Variants in MYO10 observed in about 807,000 individuals in gnomAD.
The protein encoded by MYO10 is unconventional myosin-X.
A neutral mutation model predicts 257.3 loss-of-function variants in MYO10; 133 were observed. That is an observed-to-expected ratio of 0.52 (90% confidence interval 0.45 to 0.60). MYO10 has a LOEUF of 0.60. Among genes scored for constraint, MYO10 ranks in the 20% least tolerant of loss-of-function variants. The probability of loss-of-function intolerance (pLI) is 0.00; values close to 1 mark genes in which losing one functional copy is unlikely to be tolerated. For synonymous variants in MYO10, 1,104 were observed against 1,028.6 expected (o/e 1.07, Z -1.40); for missense variants, 2,399 against 2,635.7 (o/e 0.91, Z 1.97).
At chr5:16,828,620 CAAAA>C (rs71595993) in intron 2 of MYO10, among the ~76,000 whole-genome samples, 2 of 85,752 alleles carry the variant, frequency 2.3e-5, no homozygotes. Context: ...ACTCTGTCTC[CAAAA>C]AAAAAAAAAA....
chr5:16,694,482 G>A lies in MYO10; in HGVS notation c.3689C>T (p.Ser1230Phe). 1.2e-6 allele frequency: 2 copies of A among 1,613,958 alleles called. No homozygotes were observed. The highest frequency in any genetic ancestry group is 8.5e-7 in the Non-Finnish European group (1 of 1,179,882). ...CCAGCGCTTCTTCCAATTTCTCCTG[G>A]ACAGCGTGGAGGAGCCCCCCCCTTT... is the stretch of plus-strand genomic sequence containing the variant. ...HKKGGGSSTL[S>F]RRNWKKRWFV... Residue 1230 changes from serine to phenylalanine, a missense_variant, in exon 27 of 41, where the codon TCC (serine) becomes TTC (phenylalanine). Transcript: ENST00000513610.
At chr5:16,675,372 T>C (rs1736677806) in intron 34 of MYO10, among the ~76,000 whole-genome samples, 1 of 152,198 alleles carries the variant, frequency 6.6e-6, no homozygotes, top group African/African-American at 2.4e-5. Flanking sequence ...CCACATAAAA[T>C]GCTTACTTAA....
intron 1 of MYO10, among the ~76,000 whole-genome samples, chr5:16,911,069 A>G (rs1745644968): frequency 6.6e-6 from 1 of 152,198 alleles, no homozygotes; most frequent in African/African-American, 2.4e-5. Flanking sequence ...AGAATGGGCC[A>G]GGCCAAGAGG....
rs756790856 is a variant in MYO10 at position 16,701,122 on chromosome 5, G to A, written c.3273C>T (p.Tyr1091=). 2.6e-5 allele frequency: 42 copies of A among 1,594,706 alleles called. No homozygotes were observed. The highest frequency in any genetic ancestry group is 1.1e-4 in the Admixed American group (6 of 56,644). ...CACCGTCCTCATAGTCATCCTGGTC[G>A]TAGTCGTAGTCGCCGTCTGGGGAGG... ...DLPSPDGDYD[Y]DQDDYEDGAI... The change falls in exon 25 of 41, where the codon TAC becomes TAT. Residue 1091 remains tyrosine (Y), a synonymous_variant. Transcript: ENST00000513610. This position sits in a 1 kb window ranked among gnomAD's most constrained non-coding sequence, Gnocchi z 8.1.
chr5:16,899,616 A>G (rs2625174), intron 1 of MYO10, among the ~76,000 whole-genome samples: 69,380 of 146,886 alleles, frequency 0.47, 16,490 homozygotes, highest in Admixed American at 0.54. Flanking sequence ...CAACAAGAGC[A>G]AAACTCAGTT....
At chr5:16,871,375 G>A (rs942636174) in intron 2 of MYO10, among the ~76,000 whole-genome samples, 7 of 152,188 alleles carry the variant, frequency 4.6e-5, no homozygotes, top group African/African-American at 1.7e-4. Context: ...AGCACTTTGG[G>A]AGGCCAAGGC....
At chr5:16,844,041 G>T (rs1743559692) in intron 2 of MYO10, among the ~76,000 whole-genome samples, 1 of 152,188 alleles carries the variant, frequency 6.6e-6, no homozygotes, top group African/African-American at 2.4e-5. Context: ...TAAGTGGGTT[G>T]TCCCGTCACT....
At chr5:16,747,533 A>C (rs990133466) in intron 19 of MYO10, among the ~76,000 whole-genome samples, 1 of 152,230 alleles carries the variant, frequency 6.6e-6, no homozygotes, top group Middle Eastern at 3.2e-3. Context: ...TTGGTCTTCT[A>C]TATTCACTGA....
At chr5:16,895,213 GC>G (rs1745183078) in intron 1 of MYO10, among the ~76,000 whole-genome samples, 1 of 152,212 alleles carries the variant, frequency 6.6e-6, no homozygotes, top group Admixed American at 6.5e-5. Flanking sequence ...AGTTTGAAAG[GC>G]CTTCAGTCAC....
At chr5:16,679,338 C>A (rs1484268062) in intron 33 of MYO10, among the ~76,000 whole-genome samples, 1 of 152,180 alleles carries the variant, frequency 6.6e-6, no homozygotes, top group Non-Finnish European at 1.5e-5. Context: ...GAGCAGGGAG[C>A]CCCACAGTGC....
rs116824215 is a variant in MYO10 at position 16,777,142 on chromosome 5, A to G, written c.930+2403T>C. Among the ~76,000 whole-genome samples, 1,037 of 152,332 alleles carry G rather than the reference A, an allele frequency of 6.8e-3. 13 individuals are homozygous for G. The highest frequency in any genetic ancestry group is 0.024 in the African/African-American group (981 of 41,564). On this transcript the variant is annotated intron_variant, in intron 9 of 40. Transcript: ENST00000513610. Reference sequence around the variant, plus strand: ...TAAAATTGGAAAAGATAATTAAAATACTTAGAAAAACACTGCATAAAACCC... The same window carrying G: ...TAAAATTGGAAAAGATAATTAAAATGCTTAGAAAAACACTGCATAAAACCC...
intron 2 of MYO10, among the ~76,000 whole-genome samples, chr5:16,824,279 G>A (rs1049733191): frequency 2.0e-5 from 3 of 152,110 alleles, no homozygotes; most frequent in African/African-American, 4.8e-5. Flanking sequence ...TTCTCCTAGA[G>A]TAGAGGTTCT....
chr5:16,861,484 A>G (rs987113623), intron 2 of MYO10, among the ~76,000 whole-genome samples: 1 of 152,158 alleles, frequency 6.6e-6, no homozygotes, highest in Non-Finnish European at 1.5e-5. Flanking sequence ...AGGCAGGAGA[A>G]TCACTTGAAC....
At chr5:16,802,673 A>AG (rs35721860) in intron 3 of MYO10, among the ~76,000 whole-genome samples, 3 of 149,386 alleles carry the variant, frequency 2.0e-5, no homozygotes, top group Non-Finnish European at 4.5e-5. Context: ...AAAAAAAAAA[A>AG]GAAAGAAAGA....
chr5:16,768,610 C>T (rs981794876), intron 10 of MYO10, among the ~76,000 whole-genome samples: 1 of 150,522 alleles, frequency 6.6e-6, no homozygotes, highest in Non-Finnish European at 1.5e-5. Flanking sequence ...TCATATCTGA[C>T]ACAACTAACA....
At chr5:16,684,978 G>A (rs1006717925) in intron 29 of MYO10, among the ~76,000 whole-genome samples, 2 of 151,988 alleles carry the variant, frequency 1.3e-5, no homozygotes, top group South Asian at 2.1e-4. Context: ...ACCTGGAGGC[G>A]GAGGTTGCAG....
At chr5:16,929,154 C>T (rs552922617) in intron 1 of MYO10, among the ~76,000 whole-genome samples, 30 of 151,674 alleles carry the variant, frequency 2.0e-4, no homozygotes, top group Non-Finnish European at 3.4e-4. Flanking sequence ...GGGGTTTCAC[C>T]GTGTTAGCCA....
rs971487470 is a variant in MYO10, at chr5:16,672,894, C to T, written c.5173-69G>A. 7 of 1,541,588 alleles carry T rather than the reference C, an allele frequency of 4.5e-6. No homozygotes were observed. In the African/African-American group the frequency reaches 9.6e-5, roughly 21 times the overall value. ...CCCAACACGTGTTCCCAGAACGTGC[C>T]ATCACCTGATCCCAGAGGGAGCTGC... On this transcript the variant is annotated intron_variant, in intron 36 of 40. Coordinates refer to ENST00000513610, the MANE Select transcript of MYO10 (RefSeq NM_012334.3).
At chr5:16,904,942 T>G (rs891308323) in intron 1 of MYO10, among the ~76,000 whole-genome samples, 1 of 151,860 alleles carries the variant, frequency 6.6e-6, no homozygotes, top group Non-Finnish European at 1.5e-5. Flanking sequence ...AAAAAAGAAG[T>G]GTGTTGTGAA....
Sources: gnomAD v4.1 joint callset for allele counts (sites outside exome capture counted in the v4.1 genomes callset) on GRCh38, gnomAD v4.1.1 for gene constraint, Gnocchi (gnomAD v3.1) non-coding constraint, MANE v1.5 for transcripts, NCBI Gene and HGNC (gene_info 2026-07-23, HGNC 2026-07-21) for gene names.